Variants in PCDHA1 observed in about 807,000 individuals in gnomAD.
PCDHA1 encodes protocadherin alpha-1.
A neutral mutation model predicts 61.3 loss-of-function variants in PCDHA1; 42 were observed. The observed-to-expected ratio is 0.69, with a 90% CI of 0.54 to 0.89. The LOEUF is 0.89. Ranked by LOEUF, PCDHA1 falls within the 40% of genes least tolerant of loss-of-function variation. The pLI is 0.00. For synonymous variants in PCDHA1, 610 were observed against 553.8 expected (o/e 1.10, Z -1.43); for missense variants, 1,256 against 1,235.3 (o/e 1.02, Z -0.25).
At chr5:140,852,796 T>C in intron 1 of PCDHA1, 4 of 976,920 alleles carry the variant, frequency 4.1e-6, no homozygotes, top group Non-Finnish European at 4.9e-6. Context: ...ATGCTACAGA[T>C]GTCATTTGTC....
chr5:140,824,314 T>A (rs986796925), intron 1 of PCDHA1: 2 of 754,514 alleles, frequency 2.7e-6, no homozygotes, highest in African/African-American at 1.8e-5. Context: ...AATAGATTCA[T>A]CAGCTTTCTG....
chr5:140,928,732 A>G, intron 1 of PCDHA1: 1 of 1,614,114 alleles, frequency 6.2e-7, no homozygotes, highest in South Asian at 1.1e-5. Context: ...AATTTCAGCC[A>G]ATATAGGTGA....
chr5:140,883,443 A>G (rs2059611817), intron 1 of PCDHA1: 1 of 1,614,136 alleles, frequency 6.2e-7, no homozygotes. Flanking sequence ...TTGACGCCGC[A>G]TGTCCCCTTC....
intron 1 of PCDHA1, among the ~76,000 whole-genome samples, chr5:140,972,097 T>C (rs1554233843): frequency 1.3e-5 from 2 of 152,196 alleles, no homozygotes; most frequent in South Asian, 2.1e-4. Context: ...ATTTCTGGCA[T>C]AGAAGCAGGT....
intron 3 of PCDHA1, among the ~76,000 whole-genome samples, chr5:140,998,369 C>T (rs530777656): frequency 1.3e-5 from 2 of 152,210 alleles, no homozygotes; most frequent in South Asian, 2.1e-4. Context: ...CTGCACACAC[C>T]GTCTCTAGAA....
chr5:140,796,993 A>G (rs781970176), intron 1 of PCDHA1: 3 of 1,613,726 alleles, frequency 1.9e-6, no homozygotes, highest in Non-Finnish European at 2.5e-6. Flanking sequence ...CCAGGCACCC[A>G]AGGCCTCGTC....
At chr5:140,919,176 C>A (rs2079027921) in intron 1 of PCDHA1, among the ~76,000 whole-genome samples, 2 of 152,184 alleles carry the variant, frequency 1.3e-5, no homozygotes, top group Non-Finnish European at 1.5e-5. Flanking sequence ...GTTGCTATAT[C>A]TTCCTGATTG....
intron 1 of PCDHA1, chr5:140,809,508 C>G (rs782554104): frequency 1.9e-6 from 3 of 1,614,204 alleles, no homozygotes; most frequent in East Asian, 2.2e-5. Flanking sequence ...GCCTTCAGCC[C>G]CAGTTTACCT....
rs146494753 is a variant in PCDHA1 at position 140,787,574 on chromosome 5, G to A, written c.1284G>A (p.Arg428=). 94 of 1,614,110 alleles carry A rather than the reference G, an allele frequency of 5.8e-5. No individual in the cohort carries two copies. Among genetic ancestry groups the A allele is most frequent in the Admixed American group, 4.3e-4 (26 of 60,014 alleles). ...LSVYELVVTA[R]DGGSPSLWAT... ...TCTATGAGCTGGTGGTGACCGCGCGGGACGGGGGCTCGCCTTCGCTGTGGG... is the reference window on the plus strand; with the variant it reads ...TCTATGAGCTGGTGGTGACCGCGCGAGACGGGGGCTCGCCTTCGCTGTGGG... The change falls in exon 1 of 4, where the codon CGG becomes CGA. Residue 428 remains arginine, a synonymous_variant. Coordinates refer to ENST00000504120, the MANE Select transcript of PCDHA1 (RefSeq NM_018900.4).
At chr5:140,959,697 CTTTGAAAGGGA>C (rs2095506406) in intron 1 of PCDHA1, among the ~76,000 whole-genome samples, 1 of 152,008 alleles carries the variant, frequency 6.6e-6, no homozygotes, top group Non-Finnish European at 1.5e-5. Flanking sequence ...ATAAAATGAG[CTTTGAAAGGGA>C]AAATTTTTAG....
chr5:140,923,189 C>A (rs1452451112), intron 1 of PCDHA1, among the ~76,000 whole-genome samples: 1 of 152,210 alleles, frequency 6.6e-6, no homozygotes, highest in African/African-American at 2.4e-5. Flanking sequence ...GCATCTACTG[C>A]AGCAATTTGG....
At chr5:140,877,992 A>G (rs572306139) in intron 1 of PCDHA1, 7 of 1,096,526 alleles carry the variant, frequency 6.4e-6, no homozygotes, top group Non-Finnish European at 8.6e-6. Flanking sequence ...TTGAACTTTT[A>G]TGTATTTGTC....
intron 1 of PCDHA1, among the ~76,000 whole-genome samples, chr5:140,907,290 G>T (rs1554192922): frequency 1.3e-5 from 2 of 152,200 alleles, no homozygotes; most frequent in East Asian, 3.8e-4. Context: ...CAATCCAGCT[G>T]CTTCAGGATG....
At chr5:140,976,782 A>G (rs1209900673) in intron 1 of PCDHA1, among the ~76,000 whole-genome samples, 1 of 152,212 alleles carries the variant, frequency 6.6e-6, no homozygotes, top group African/African-American at 2.4e-5. Flanking sequence ...CTGACTATAT[A>G]GCTACGCTTT....
intron 3 of PCDHA1, among the ~76,000 whole-genome samples, chr5:140,992,953 C>G (rs1377524442): frequency 5.9e-5 from 9 of 152,172 alleles, no homozygotes; most frequent in African/African-American, 2.2e-4. Flanking sequence ...ATTAAATCAC[C>G]CCTTATACTG....
chr5:140,830,269 A>T, intron 1 of PCDHA1: 6 of 1,613,514 alleles, frequency 3.7e-6, no homozygotes, highest in Non-Finnish European at 5.1e-6. Flanking sequence ...GCTCGGCGCC[A>T]CCCACCGAGG....
At chr5:140,876,838 G>C in intron 1 of PCDHA1, 1 of 1,614,140 alleles carries the variant, frequency 6.2e-7, no homozygotes, top group Non-Finnish European at 8.5e-7. Flanking sequence ...GCCTGCGTTC[G>C]CGCAGCCCGA....
chr5:140,853,960 C>G, intron 1 of PCDHA1: 2 of 730,184 alleles, frequency 2.7e-6, no homozygotes, highest in Non-Finnish European at 3.4e-6. Flanking sequence ...CTTCCTTGAG[C>G]CCAGCAGTTT....
chr5:140,870,854 T>G, intron 1 of PCDHA1: 4 of 1,613,784 alleles, frequency 2.5e-6, no homozygotes, highest in Non-Finnish European at 3.4e-6. Flanking sequence ...CCGCGGTCGG[T>G]GGGTGCGGGC....
Sources: gnomAD v4.1 joint callset for allele counts (sites outside exome capture counted in the v4.1 genomes callset) on GRCh38, gnomAD v4.1.1 for gene constraint, MANE v1.5 for transcripts, NCBI Gene and HGNC (gene_info 2026-07-23, HGNC 2026-07-21) for gene names.